The following TBC1D19 variants were observed in gnomAD, a reference collection of about 807,000 sequenced individuals.
TBC1D19 encodes the protein TBC1 domain family, member 19.
A neutral mutation model predicts 89.0 loss-of-function variants in TBC1D19; 60 were observed. That is an observed-to-expected ratio of 0.67 (90% CI 0.55 to 0.84). The LOEUF is 0.84. Among genes scored for constraint, TBC1D19 ranks in the 40% least tolerant of loss-of-function variants. TBC1D19 has a pLI of 0.00. For missense variants in TBC1D19, 500 were observed against 610.8 expected (o/e 0.82, Z 1.91); for synonymous variants, 189 against 199.7 (o/e 0.95, Z 0.45).
rs115527310 is a variant in TBC1D19 at position 26,630,687 on chromosome 4, T to G, written c.295-6524T>G. ...ACTTCTGGAAACAAGGAGCTCATAA[T>G]TTCACTGAGTTAAGTTATATTTGAG... On this transcript the variant is annotated intron_variant, in intron 4 of 20. Coordinates refer to ENST00000264866, the MANE Select transcript of TBC1D19 (RefSeq NM_018317.4). Among the ~76,000 whole-genome samples the G allele has an allele frequency of 5.4e-3, 819 of 152,134 alleles. 7 individuals carry two copies. Among genetic ancestry groups the G allele is most frequent in the African/African-American group, 0.019 (797 of 41,506 alleles).
chr4:26,672,881 T>C (rs1257115799), intron 10 of TBC1D19, among the ~76,000 whole-genome samples: 2 of 151,998 alleles, frequency 1.3e-5, no homozygotes, highest in African/African-American at 4.8e-5. Flanking sequence ...AAGAATATGC[T>C]TCATCTCTTT....
At chr4:26,627,329 G>T (rs1742484517) in intron 4 of TBC1D19, among the ~76,000 whole-genome samples, 1 of 152,182 alleles carries the variant, frequency 6.6e-6, no homozygotes, top group South Asian at 2.1e-4. Context: ...TTGCTATTGT[G>T]AATAGTGGCG....
At chr4:26,761,463 T>C in the TBC1D19 span, among the ~76,000 whole-genome samples, 6 of 152,218 alleles carry the variant, frequency 3.9e-5, no homozygotes, top group African/African-American at 7.2e-5. Context: ...TTTTTGATGC[T>C]ATTGTATTTA....
the TBC1D19 span, among the ~76,000 whole-genome samples, chr4:26,811,780 T>C: frequency 6.6e-6 from 1 of 152,234 alleles, no homozygotes; most frequent in Admixed American, 6.5e-5. Context: ...GACATTGCCA[T>C]GGCATTTGTA....
chr4:26,825,202 G>A, the TBC1D19 span, among the ~76,000 whole-genome samples: 3 of 151,828 alleles, frequency 2.0e-5, no homozygotes, highest in Admixed American at 6.6e-5. Context: ...TGGTTCAAGC[G>A]ATTCTCCTGC....
At chr4:26,589,250 A>T (rs1054460580) in intron 1 of TBC1D19, among the ~76,000 whole-genome samples, 2 of 152,042 alleles carry the variant, frequency 1.3e-5, no homozygotes, top group Non-Finnish European at 2.9e-5. Context: ...CCTTCAACCT[A>T]GGGGACAGAG....
intron 7 of TBC1D19, among the ~76,000 whole-genome samples, chr4:26,656,547 A>C (rs192093445): frequency 1.4e-3 from 210 of 151,744 alleles, no homozygotes; most frequent in African/African-American, 4.8e-3. Flanking sequence ...TCAGTATCTA[A>C]GTTGGCTTTT....
At chr4:26,710,029 T>G (rs951957603) in intron 13 of TBC1D19, among the ~76,000 whole-genome samples, 1 of 151,814 alleles carries the variant, frequency 6.6e-6, no homozygotes, top group Non-Finnish European at 1.5e-5. Flanking sequence ...GGCAGAGTGT[T>G]TTTTTTTATT....
chr4:26,625,864 G>A (rs1021442301), intron 4 of TBC1D19, among the ~76,000 whole-genome samples: 2 of 152,030 alleles, frequency 1.3e-5, no homozygotes, highest in Admixed American at 6.6e-5. Flanking sequence ...ATCGCTGTAG[G>A]TGTTAACCCT....
chr4:26,609,609 T>C (rs1428787562), intron 1 of TBC1D19, among the ~76,000 whole-genome samples: 1 of 152,090 alleles, frequency 6.6e-6, no homozygotes, highest in Non-Finnish European at 1.5e-5. Context: ...GAGAAGAGGA[T>C]GTTGTTAACT....
At chr4:26,706,031 A>C (rs1715712689) in intron 13 of TBC1D19, among the ~76,000 whole-genome samples, 1 of 151,848 alleles carries the variant, frequency 6.6e-6, no homozygotes. Flanking sequence ...TCTTGCCTCA[A>C]CTCTCTGAGT....
intron 9 of TBC1D19, among the ~76,000 whole-genome samples, chr4:26,667,058 A>G (rs1711874248): frequency 6.6e-6 from 1 of 151,944 alleles, no homozygotes; most frequent in Admixed American, 6.6e-5. Flanking sequence ...TATAAAATAA[A>G]TAAGTTGGCT....
intron 4 of TBC1D19, among the ~76,000 whole-genome samples, chr4:26,626,104 T>G (rs1742380881): frequency 6.6e-6 from 1 of 152,208 alleles, no homozygotes; most frequent in African/African-American, 2.4e-5. Flanking sequence ...ATTCAATTAT[T>G]TATTTACATC....
the TBC1D19 span, among the ~76,000 whole-genome samples, chr4:26,855,609 G>A: frequency 2.6e-5 from 4 of 152,142 alleles, no homozygotes; most frequent in Non-Finnish European, 5.9e-5. Context: ...GAAATTTCCA[G>A]TCCCTGGATG....
At chr4:26,839,198 GT>G in the TBC1D19 span, among the ~76,000 whole-genome samples, 13 of 150,760 alleles carry the variant, frequency 8.6e-5, no homozygotes, top group African/African-American at 1.7e-4. Context: ...AACAAAAAGG[GT>G]TTTTTTTTCC....
intron 13 of TBC1D19, among the ~76,000 whole-genome samples, chr4:26,712,876 T>C (rs1398137049): frequency 6.6e-6 from 1 of 151,968 alleles, no homozygotes; most frequent in African/African-American, 2.4e-5. Flanking sequence ...CCCAGACACC[T>C]CCCACTAGGC....
intron 1 of TBC1D19, among the ~76,000 whole-genome samples, chr4:26,612,886 T>A (rs1741466926): frequency 6.6e-6 from 1 of 152,038 alleles, no homozygotes; most frequent in Non-Finnish European, 1.5e-5. Flanking sequence ...CTTGAGACCC[T>A]AGATAAAGAT....
chr4:26,638,168 G>A (rs1450785569), intron 5 of TBC1D19, among the ~76,000 whole-genome samples: 4 of 148,626 alleles, frequency 2.7e-5, no homozygotes, highest in Non-Finnish European at 5.9e-5. Flanking sequence ...CTTTGTAGCT[G>A]CTCACAAGTA....
chr4:26,686,617 G>C (rs138856485), intron 12 of TBC1D19, among the ~76,000 whole-genome samples: 89 of 152,178 alleles, frequency 5.8e-4, no homozygotes, highest in Admixed American at 4.1e-3. Flanking sequence ...GATGAGCTCT[G>C]GTCGGCCACA....
Sources: allele counts gnomAD v4.1 joint callset (sites outside exome capture counted in the v4.1 genomes callset), GRCh38; gene constraint gnomAD v4.1.1; transcripts MANE v1.5; gene names NCBI Gene and HGNC (gene_info 2026-07-23, HGNC 2026-07-21).